DOT1L: variants seen among roughly 807,000 people sequenced by gnomAD.
DOT1L encodes DOT1 like histone lysine methyltransferase.
DOT1L carries 33 observed loss-of-function variants against 153.3 expected under a neutral mutation model. The ratio of observed to expected loss-of-function variants is 0.22; its 90% CI spans 0.16 to 0.29. The LOEUF is 0.29. Among genes scored for constraint, DOT1L ranks in the 10% least tolerant of loss-of-function variants. The pLI, the probability that DOT1L is intolerant of heterozygous loss-of-function variation, is 1.00. For missense variants in DOT1L, 1,847 were observed against 2,119.9 expected (o/e 0.87, Z 2.53); for synonymous variants, 1,135 against 965.1 (o/e 1.18, Z -3.26).
In DOT1L at chr19:2,191,323, G is replaced by A. The variant is rs1216892655; in HGVS notation, c.493+83G>A. 5 of 1,409,044 alleles carry A rather than the reference G, an allele frequency of 3.5e-6. No homozygotes were observed. Among genetic ancestry groups the A allele is most frequent in the South Asian group, 1.2e-5 (1 of 85,494 alleles). 87.3% of individuals were successfully genotyped at this position (1,409,044 alleles called of 1,614,324 possible). On this transcript the variant is annotated intron_variant, in intron 5 of 27. Coordinates refer to ENST00000398665, the MANE Select transcript of DOT1L (RefSeq NM_032482.3). The surrounding 1 kb of genome is among the most constrained non-coding windows in gnomAD (Gnocchi z 6.8). Reference sequence around the variant, plus strand: ...CTGCCCCATGCCTGCTTGGAGAAGAGTTTATCAGGGACTTGCGACGTTGGC... The same window carrying A: ...CTGCCCCATGCCTGCTTGGAGAAGAATTTATCAGGGACTTGCGACGTTGGC...
chr19:2,216,848 A>G lies in DOT1L; in HGVS notation c.2408+83A>G. On this transcript the variant is annotated intron_variant, in intron 20 of 27. Transcript: ENST00000398665. Reference sequence around the variant, plus strand: ...GTGCTCAGGCTGTCGGGTTCTCAGCAGGAGTGTGTTTGTTGAGGAGACTGA... The same window carrying G: ...GTGCTCAGGCTGTCGGGTTCTCAGCGGGAGTGTGTTTGTTGAGGAGACTGA... 5 of 1,555,392 alleles carry G rather than the reference A, an allele frequency of 3.2e-6. No homozygotes were observed. In the South Asian group the frequency reaches 4.8e-5, roughly 15 times the overall value.
intron 19 of DOT1L, chr19:2,215,655 T>A (rs1317130140): frequency 6.6e-6 from 1 of 152,262 alleles, no homozygotes; most frequent in Non-Finnish European, 1.5e-5. Context: ...ACCACTCACG[T>A]GCTCCCGAGC....
intron 1 of DOT1L, among the ~76,000 whole-genome samples, chr19:2,171,234 A>G (rs943028374): frequency 6.6e-6 from 1 of 152,204 alleles, no homozygotes; most frequent in Non-Finnish European, 1.5e-5. Flanking sequence ...TCTAAGGTAC[A>G]GCAGGGGCCC....
In DOT1L at chr19:2,190,574, G is replaced by T. The variant is rs1295895668; in HGVS notation, c.265-438G>T. Reference sequence around the variant, plus strand: ...ACCTCAGCCTGCTGCAGCTGGTGGGGAGGAAGGCGGGGTCCCACGTAGTCG... The same window carrying T: ...ACCTCAGCCTGCTGCAGCTGGTGGGTAGGAAGGCGGGGTCCCACGTAGTCG... On this transcript the variant is annotated intron_variant, in intron 4 of 27. Transcript: ENST00000398665. The surrounding 1 kb of genome is among the most constrained non-coding windows in gnomAD (Gnocchi z 4.8). 1.3e-5 allele frequency among the ~76,000 whole-genome samples: 2 copies of T among 152,102 alleles called. No homozygotes were observed. Among genetic ancestry groups the T allele is most frequent in the East Asian group, 3.9e-4 (2 of 5,170 alleles).
intron 2 of DOT1L, among the ~76,000 whole-genome samples, chr19:2,183,219 G>T (rs2022325844): frequency 6.6e-6 from 1 of 152,226 alleles, no homozygotes; most frequent in Non-Finnish European, 1.5e-5. Flanking sequence ...TGCTCAGGCT[G>T]GGGTGCAGTG....
In DOT1L at chr19:2,220,013, G is replaced by T; in HGVS notation, c.2692-95G>T. The T allele has an allele frequency of 8.3e-7, 1 of 1,200,504 alleles. No individual in the cohort carries two copies. Among genetic ancestry groups the T allele is most frequent in the South Asian group, 1.5e-5 (1 of 67,646 alleles). The allele number at this position is 1,200,504 out of a possible 1,614,324, so 74.4% of individuals were successfully genotyped here. A position where few individuals can be genotyped will look rare whatever the true frequency, so the allele number is the denominator to read the frequency against. ...ACGGTGACCCCGGCGGCCTCCCCCA[G>T]CCAGCTGCAGGCCTCAACACTCACT... is the stretch of plus-strand genomic sequence containing the variant. On this transcript the variant is annotated intron_variant, in intron 22 of 27. Transcript: ENST00000398665. This position sits in a 1 kb window ranked among gnomAD's most constrained non-coding sequence, Gnocchi z 4.5.
In DOT1L at chr19:2,164,188, G is replaced by T; in HGVS notation, c.4G>T (p.Gly2Trp). The T allele has an allele frequency of 8.0e-7, 1 of 1,252,760 alleles. No homozygotes were observed. 77.6% of individuals were successfully genotyped at this position (1,252,760 alleles called of 1,614,324 possible). A position where few individuals can be genotyped will look rare whatever the true frequency, so the allele number is the denominator to read the frequency against. The change falls in exon 1 of 28, where the codon GGG becomes TGG. Residue 2 changes from glycine to tryptophan, a missense_variant. By Grantham distance (184) the Gly-to-Trp change is radical (BLOSUM62 -2). Coordinates refer to ENST00000398665, the MANE Select transcript of DOT1L (RefSeq NM_032482.3). M[G>W]EKLELRLKSP... ...TGCGGCGGCCGCGCGCGCGGACATGGGGGAGAAGCTGGAGCTGAGACTGAA... is the reference window on the plus strand; with the variant it reads ...TGCGGCGGCCGCGCGCGCGGACATGTGGGAGAAGCTGGAGCTGAGACTGAA...
At chr19:2,175,813 G>A (rs1371797042) in intron 1 of DOT1L, among the ~76,000 whole-genome samples, 1 of 152,154 alleles carries the variant, frequency 6.6e-6, no homozygotes, top group Non-Finnish European at 1.5e-5. Context: ...GGTAGAGGTT[G>A]CAGTGAGCCG....
intron 1 of DOT1L, among the ~76,000 whole-genome samples, chr19:2,165,860 C>A (rs1037191242): frequency 2.0e-5 from 3 of 151,984 alleles, no homozygotes; most frequent in African/African-American, 7.3e-5. Flanking sequence ...GCTCCGCCTC[C>A]CGGGTTCACG....
intron 1 of DOT1L, among the ~76,000 whole-genome samples, chr19:2,169,756 G>A (rs1451332079): frequency 6.6e-6 from 1 of 152,202 alleles, no homozygotes; most frequent in East Asian, 1.9e-4. Flanking sequence ...GTCCTCAAAT[G>A]TGGCCCAAAT....
intron 27 of DOT1L, chr19:2,228,412 C>T (rs1467069351): frequency 7.2e-6 from 9 of 1,250,696 alleles, no homozygotes; most frequent in African/African-American, 1.6e-5. Flanking sequence ...CGGTGGCTCA[C>T]TCCAGACACT....
Position 2,199,868 on chromosome 19 carries a change from C to T in DOT1L, c.652-16C>T. ...GGAGGCCGGGGGTCCGCGCTCACAC[C>T]TGTTTTCCCTTTCAGTTGGAGAGAG... On this transcript the variant is annotated splice_polypyrimidine_tract_variant and intron_variant, in intron 7 of 27. Transcript: ENST00000398665. 1 of 1,613,486 alleles carries T rather than the reference C, an allele frequency of 6.2e-7. No individual in the cohort carries two copies. Among genetic ancestry groups the T allele is most frequent in the South Asian group, 1.1e-5 (1 of 91,038 alleles).
rs372661235 is a variant in DOT1L at position 2,168,986 on chromosome 19, T to C, written c.81+4721T>C. ...GAAGGGCACAAGTGGCATTATTGGT[T>C]GTTTGCTCGGAAAGAACCTTCAAAG... is the stretch of plus-strand genomic sequence containing the variant. On this transcript the variant is annotated intron_variant, in intron 1 of 27. Transcript: ENST00000398665. Among the ~76,000 whole-genome samples the C allele has an allele frequency of 3.9e-5, 6 of 152,264 alleles. No individual in the cohort carries two copies. In the East Asian group the frequency reaches 1.2e-3, roughly 29 times the overall value.
At chr19:2,189,445 G>A (rs1434713080) in intron 3 of DOT1L, among the ~76,000 whole-genome samples, 2 of 152,228 alleles carry the variant, frequency 1.3e-5, no homozygotes, top group Admixed American at 6.5e-5. Flanking sequence ...TCCAGCACAC[G>A]TGGACCTCGG....
intron 9 of DOT1L, among the ~76,000 whole-genome samples, chr19:2,203,505 C>T (rs1473033026): frequency 6.6e-6 from 1 of 152,212 alleles, no homozygotes; most frequent in African/African-American, 2.4e-5. Flanking sequence ...AACTTGGTGT[C>T]CATACTGAGC....
intron 19 of DOT1L, 149 bp from the exon 20 acceptor site, chr19:2,216,132 G>A (rs572224034): frequency 2.1e-5 from 25 of 1,197,394 alleles, no homozygotes; most frequent in South Asian, 1.8e-4. Flanking sequence ...TCCCGACCCC[G>A]CCTCTATGTG....
At chr19:2,176,439 C>G (rs1231305468) in intron 1 of DOT1L, among the ~76,000 whole-genome samples, 1 of 152,232 alleles carries the variant, frequency 6.6e-6, no homozygotes, top group African/African-American at 2.4e-5. Flanking sequence ...GCTACTGCTT[C>G]TGCGGGGCAC....
intron 6 of DOT1L, 30 bp from the exon 7 acceptor site, chr19:2,194,485 G>T: frequency 6.2e-7 from 1 of 1,613,766 alleles, no homozygotes; most frequent in Non-Finnish European, 8.5e-7. Flanking sequence ...CTGAGAGTTT[G>T]TAACGGGCGT....
chr19:2,164,382 T>C, intron 1 of DOT1L, 117 bp downstream of exon 1: 1 of 591,840 alleles, frequency 1.7e-6, no homozygotes, highest in Non-Finnish European at 2.4e-6. Flanking sequence ...ACGGAGACCC[T>C]GGACTCCACT....
Sources: allele counts gnomAD v4.1 joint callset (sites outside exome capture counted in the v4.1 genomes callset), GRCh38; gene constraint gnomAD v4.1.1; non-coding constraint Gnocchi (gnomAD v3.1); transcripts MANE v1.5; gene names NCBI Gene and HGNC (gene_info 2026-07-23, HGNC 2026-07-21).